The following ATP11B variants were observed in gnomAD, a reference collection of about 807,000 sequenced individuals.
ATP11B encodes ATPase phospholipid transporting 11B (putative).
In ATP11B, 81 loss-of-function variants were observed where a neutral mutation model predicts 157.8. The ratio of observed to expected loss-of-function variants is 0.51; its 90% confidence interval spans 0.43 to 0.62. The LOEUF (loss-of-function observed/expected upper bound fraction) is 0.62, where lower values mean the gene tolerates loss of function less well. Ranked by LOEUF, ATP11B falls within the 20% of genes least tolerant of loss-of-function variation. The probability of loss-of-function intolerance (pLI) is 0.00; values close to 1 mark genes in which losing one functional copy is unlikely to be tolerated. For synonymous variants in ATP11B, 451 were observed against 469.4 expected, an observed-to-expected ratio of 0.96 and a Z score of 0.51; for missense variants, 1,165 against 1,402.2, an observed-to-expected ratio of 0.83 and a Z score of 2.70.
Position 182,793,553 on chromosome 3 carries a change from G to A in ATP11B, c.-207G>A. On this transcript the variant is annotated 5_prime_UTR_variant, in exon 1 of 30. Transcript: ENST00000323116. ...GCGGCAGGCTCAGCTGCGCCGGGCG[G>A]GGGCGGCGCCGGGGCCGCGCCTGTA... 2.8e-6 allele frequency: 1 copy of A among 361,752 alleles called. No individual in the cohort carries two copies. Among genetic ancestry groups the A allele is most frequent in the Non-Finnish European group, 4.9e-6 (1 of 203,184 alleles). 22.4% of individuals were successfully genotyped at this position (361,752 alleles called of 1,614,324 possible).
chr3:182,842,010 C>T, intron 7 of ATP11B, 65 bp from the exon 8 acceptor site: 2 of 897,958 alleles, frequency 2.2e-6, no homozygotes, highest in South Asian at 1.8e-5. Flanking sequence ...AAGGATGGTG[C>T]AAAAAAACAG....
intron 14 of ATP11B, among the ~76,000 whole-genome samples, chr3:182,867,038 A>T (rs1228901540): frequency 6.6e-6 from 1 of 151,476 alleles, no homozygotes; most frequent in Non-Finnish European, 1.5e-5. Context: ...CATTCTCCTG[A>T]CCCAGACACC....
intron 1 of ATP11B, among the ~76,000 whole-genome samples, chr3:182,808,174 A>G (rs1716442806): frequency 6.6e-6 from 1 of 152,124 alleles, no homozygotes. Context: ...GAATGTAGAT[A>G]CTCTTGCTTA....
At chr3:182,794,991 G>GAA (rs1715509992) in intron 1 of ATP11B, among the ~76,000 whole-genome samples, 1 of 151,190 alleles carries the variant, frequency 6.6e-6, no homozygotes, top group Non-Finnish European at 1.5e-5. Flanking sequence ...TGGTGTTTCA[G>GAA]AGCCAGCCTT....
intron 29 of ATP11B, chr3:182,916,409 A>ATTAC (rs1299731458): frequency 1.0e-5 from 10 of 985,218 alleles, no homozygotes; most frequent in Non-Finnish European, 1.2e-5. Context: ...TTCTTTGGTG[A>ATTAC]TTACATTTGT....
chr3:182,913,747 C>G, intron 28 of ATP11B, 114 bp from the exon 29 acceptor site: 2 of 1,529,866 alleles, frequency 1.3e-6, no homozygotes, highest in Non-Finnish European at 1.8e-6. Flanking sequence ...TATAGAAAAA[C>G]ATGTAGGTTT....
In ATP11B at chr3:182,896,688, C is replaced by G; in HGVS notation, c.2983-12C>G. ...TTAACACGTAATGTAATAGTGTATTCTTTCTGTTTAGATGTTTGGAAACTG... is the reference window on the plus strand; with the variant it reads ...TTAACACGTAATGTAATAGTGTATTGTTTCTGTTTAGATGTTTGGAAACTG... On this transcript the variant is annotated splice_polypyrimidine_tract_variant and intron_variant, in intron 25 of 29. Transcript: ENST00000323116. The G allele has an allele frequency of 6.2e-7, 1 of 1,604,254 alleles. No individual in the cohort carries two copies. The highest frequency in any genetic ancestry group is 8.5e-7 in the Non-Finnish European group (1 of 1,171,560).
At chr3:182,872,304 G>A (rs1721722007) in intron 17 of ATP11B, 52 bp from the exon 18 acceptor site, 1 of 1,315,512 alleles carries the variant, frequency 7.6e-7, no homozygotes, top group South Asian at 1.5e-5. Context: ...TTGATTTTCT[G>A]TTTGTTGTTT....
intron 1 of ATP11B, among the ~76,000 whole-genome samples, chr3:182,807,797 C>T (rs1716414462): frequency 6.6e-6 from 1 of 151,930 alleles, no homozygotes; most frequent in African/African-American, 2.4e-5. Context: ...ACTTTTTGTG[C>T]TTATTAAAAA....
At chr3:182,812,963 C>T (rs185798716) in intron 1 of ATP11B, among the ~76,000 whole-genome samples, 55 of 152,284 alleles carry the variant, frequency 3.6e-4, no homozygotes, top group Admixed American at 9.8e-4. Flanking sequence ...AGGAATCATA[C>T]AATATTTGTC....
At chr3:182,886,137 C>T (rs1377640907) in intron 23 of ATP11B, 127 bp downstream of exon 23, 1 of 516,048 alleles carries the variant, frequency 1.9e-6, no homozygotes, top group Non-Finnish European at 3.3e-6. Flanking sequence ...CCAGACAGAA[C>T]TTTTCTGTTT....
At position 182,839,271 on chromosome 3, in the gene ATP11B, A is replaced by G. The variant is rs1718808098; in HGVS notation, c.656+2097A>G. ...ACAAGGGAACAACACACACTGGGGC[A>G]TACTGGAGGATGGAGGGTGTGAGGA... On this transcript the variant is annotated intron_variant, in intron 7 of 29. Transcript: ENST00000323116. 2.0e-5 allele frequency among the ~76,000 whole-genome samples: 3 copies of G among 152,168 alleles called. No homozygotes were observed. In the South Asian group the frequency reaches 6.2e-4, roughly 32 times the overall value.
Position 182,837,137 on chromosome 3 carries a change from G to T in ATP11B, c.619G>T (p.Val207Leu). ...TGCCAATTTGGACACTCTAGTAGCT[G>T]TAATAGAATGCCAGCAACCAGAAGC... ...TVANLDTLVAVIECQQPEADL... is the reference protein window; with the variant it reads ...TVANLDTLVALIECQQPEADL... The change falls in exon 7 of 30, where the codon GTA (valine) becomes TTA (leucine). Residue 207 changes from valine to leucine, a missense_variant. This residue lies in a region of ATP11B where 737 missense variants were observed against 930.5 expected (regional missense o/e 0.79). Transcript: ENST00000323116. 2 of 1,613,236 alleles carry T rather than the reference G, an allele frequency of 1.2e-6. No individual in the cohort carries two copies. Among genetic ancestry groups the T allele is most frequent in the Non-Finnish European group, 1.7e-6 (2 of 1,179,446 alleles).
In ATP11B at chr3:182,918,449, TAA is replaced by T; in HGVS notation, c.*347_*348del. The T allele has an allele frequency of 2.5e-6, 1 of 398,880 alleles. No homozygotes were observed. The highest frequency in any genetic ancestry group is 3.6e-5 in the East Asian group (1 of 28,060). The allele number at this position is 398,880 out of a possible 1,614,324, so 24.7% of individuals were successfully genotyped here. A position where few individuals can be genotyped will look rare whatever the true frequency, so the allele number is the denominator to read the frequency against. ...TGTAGAAAAAAGAGAGAAATCTTAG[TAA>T]AGAGTATTTTTTAGTATTAGCTTGA... On this transcript the variant is annotated 3_prime_UTR_variant, in exon 30 of 30. Transcript: ENST00000323116.
At chr3:182,834,550 C>T (rs1718394312) in intron 4 of ATP11B, among the ~76,000 whole-genome samples, 1 of 152,106 alleles carries the variant, frequency 6.6e-6, no homozygotes, top group Admixed American at 6.5e-5. Flanking sequence ...CTATTCTGTA[C>T]CTTACCTTTT....
chr3:182,881,180 A>T (rs533607814), intron 21 of ATP11B, among the ~76,000 whole-genome samples, 199 bp downstream of exon 21: 23 of 152,340 alleles, frequency 1.5e-4, no homozygotes, highest in Non-Finnish European at 2.9e-4. Context: ...TCACGCCTGT[A>T]ATCCCAGCAC....
intron 8 of ATP11B, among the ~76,000 whole-genome samples, chr3:182,845,214 C>A (rs1719415097): frequency 6.6e-6 from 1 of 151,960 alleles, no homozygotes; most frequent in East Asian, 1.9e-4. Context: ...ACCATGTTGC[C>A]CAGGCTGGTC....
chr3:182,807,999 TTA>T (rs1170077416), intron 1 of ATP11B, among the ~76,000 whole-genome samples: 2 of 152,198 alleles, frequency 1.3e-5, no homozygotes, highest in Non-Finnish European at 2.9e-5. Flanking sequence ...ACGTTTTTCT[TTA>T]TAAGTGATAC....
At chr3:182,842,150 A>G in intron 8 of ATP11B, 28 bp downstream of exon 8, 1 of 1,515,942 alleles carries the variant, frequency 6.6e-7, no homozygotes, top group Non-Finnish European at 9.1e-7. Flanking sequence ...TTATCTAATT[A>G]CCTTTAAATG....
Sources: allele counts gnomAD v4.1 joint callset (sites outside exome capture counted in the v4.1 genomes callset), GRCh38; gene constraint gnomAD v4.1.1; regional missense constraint gnomAD v4.1.1; transcripts MANE v1.5; gene names NCBI Gene and HGNC (gene_info 2026-07-23, HGNC 2026-07-21).